PRKN: variants seen among roughly 807,000 people sequenced by gnomAD.
The protein encoded by PRKN is E3 ubiquitin-protein ligase parkin.
Under a neutral mutation model 59.5 loss-of-function variants are expected in PRKN, and 56 were observed. That is an observed-to-expected ratio of 0.94 (90% CI 0.76 to 1.18). The LOEUF is 1.18. PRKN is among the 50% of genes most tolerant of loss of function. The probability of loss-of-function intolerance (pLI) is 0.00; values close to 1 mark genes in which losing one functional copy is unlikely to be tolerated. For missense variants in PRKN, 657 were observed against 596.4 expected (o/e 1.10, Z -1.06); for synonymous variants, 250 against 222.1 (o/e 1.13, Z -1.12).
intron 2 of PRKN, among the ~76,000 whole-genome samples, chr6:162,283,702 G>T (rs570413773): frequency 2.4e-4 from 37 of 152,234 alleles, no homozygotes; most frequent in African/African-American, 8.4e-4. Flanking sequence ...TGTATTTTTA[G>T]TAGAGACAGG....
intron 2 of PRKN, among the ~76,000 whole-genome samples, chr6:162,317,314 C>T (rs568274514): frequency 7.9e-5 from 12 of 152,112 alleles, no homozygotes; most frequent in East Asian, 3.9e-4. Context: ...TCAAGAGATA[C>T]GACTGTTTTA....
At position 161,457,301 on chromosome 6, in the gene PRKN, A is replaced by G. The variant is rs1790016892; in HGVS notation, c.1084-70424T>C. 6.6e-6 allele frequency among the ~76,000 whole-genome samples: 1 copy of G among 152,236 alleles called. No homozygotes were observed. Among genetic ancestry groups the G allele is most frequent in the Non-Finnish European group, 1.5e-5 (1 of 68,046 alleles). On this transcript the variant is annotated intron_variant, in intron 9 of 11. Coordinates refer to ENST00000366898, the MANE Select transcript of PRKN (RefSeq NM_004562.3). This position sits in a 1 kb window ranked among gnomAD's most constrained non-coding sequence, Gnocchi z 5.0. ...AGCTGGGCCAATGCAGGATCCAACT[A>G]TTCAAGATTCCTCCACTTACACAAT...
At chr6:162,224,511 A>C (rs1248683703) in intron 3 of PRKN, among the ~76,000 whole-genome samples, 1 of 152,158 alleles carries the variant, frequency 6.6e-6, no homozygotes, top group African/African-American at 2.4e-5. Context: ...CCCCTCAAAA[A>C]GTGACCCAAG....
intron 1 of PRKN, among the ~76,000 whole-genome samples, chr6:162,618,868 C>A (rs1352614337): frequency 6.6e-6 from 1 of 152,138 alleles, no homozygotes; most frequent in Non-Finnish European, 1.5e-5. Context: ...GTCCGAAATG[C>A]ATTCGCAGTA....
At chr6:161,971,553 G>C (rs576913011) in intron 6 of PRKN, among the ~76,000 whole-genome samples, 4 of 152,276 alleles carry the variant, frequency 2.6e-5, no homozygotes, top group Non-Finnish European at 5.9e-5. Flanking sequence ...TGTTGAAAGC[G>C]TTAGCCATAC....
intron 9 of PRKN, among the ~76,000 whole-genome samples, chr6:161,387,424 G>T (rs1241330471): frequency 6.6e-6 from 1 of 152,126 alleles, no homozygotes; most frequent in Non-Finnish European, 1.5e-5. Context: ...ATTTCCTGAG[G>T]CCTACTCAGC....
chr6:162,082,728 C>A (rs1031888001), intron 4 of PRKN, among the ~76,000 whole-genome samples: 1 of 151,862 alleles, frequency 6.6e-6, no homozygotes, highest in Non-Finnish European at 1.5e-5. Flanking sequence ...ACTTAGAGCC[C>A]ATCATAGGAC....
intron 2 of PRKN, among the ~76,000 whole-genome samples, chr6:162,296,359 A>T (rs897096021): frequency 2.6e-5 from 4 of 151,848 alleles, no homozygotes; most frequent in African/African-American, 7.3e-5. Context: ...GCAGGAGAGG[A>T]TGGAGACAAG....
In PRKN at chr6:162,678,579, T is replaced by C. The variant is rs113575615; in HGVS notation, c.7+49083A>G. Among the ~76,000 whole-genome samples the C allele has an allele frequency of 5.1e-3, 783 of 152,342 alleles. 7 individuals are homozygous for C. The highest frequency in any genetic ancestry group is 0.017 in the African/African-American group (715 of 41,574). On this transcript the variant is annotated intron_variant, in intron 1 of 11. Coordinates refer to ENST00000366898, the MANE Select transcript of PRKN (RefSeq NM_004562.3). ...GGGGGTATCTTTGCATGTGTTTACT[T>C]GTCATCTGTATACTATCTTTGGGGA...
intron 1 of PRKN, among the ~76,000 whole-genome samples, chr6:162,585,426 C>T (rs1342429943): frequency 6.6e-6 from 1 of 152,124 alleles, no homozygotes; most frequent in Non-Finnish European, 1.5e-5. Context: ...CACCCAATTC[C>T]TATATTCTGG....
chr6:162,222,767 G>C (rs1370077177), intron 3 of PRKN, among the ~76,000 whole-genome samples: 1 of 152,062 alleles, frequency 6.6e-6, no homozygotes, highest in African/African-American at 2.4e-5. Flanking sequence ...CACTGCACTA[G>C]TAGTAATTTA....
chr6:162,693,540 TG>T (rs2128235507), intron 1 of PRKN, among the ~76,000 whole-genome samples: 1 of 152,304 alleles, frequency 6.6e-6, no homozygotes, highest in South Asian at 2.1e-4. Flanking sequence ...CCATCTCTGA[TG>T]GCCCCCTCTC....
chr6:162,045,505 C>T (rs148813967), intron 5 of PRKN, among the ~76,000 whole-genome samples: 23 of 152,304 alleles, frequency 1.5e-4, no homozygotes, highest in African/African-American at 4.8e-4. Context: ...GTCAACAGTA[C>T]GTGACATCGT....
rs2115109825 is a variant in PRKN at position 161,447,492 on chromosome 6, T to C, written c.1084-60615A>G. ...AATCTCCCATATTCCTCTGCCATCC[T>C]TTCTTTCCTTCCTTTCCTTGAGATG... On this transcript the variant is annotated intron_variant, in intron 9 of 11. Transcript: ENST00000366898. The surrounding 1 kb of genome is among the most constrained non-coding windows in gnomAD (Gnocchi z 4.1). Among the ~76,000 whole-genome samples the C allele has an allele frequency of 6.6e-6, 1 of 152,282 alleles. No individual in the cohort carries two copies. The highest frequency in any genetic ancestry group is 1.9e-4 in the East Asian group (1 of 5,178).
intron 4 of PRKN, among the ~76,000 whole-genome samples, chr6:162,116,949 A>G (rs1562523471): frequency 6.6e-6 from 1 of 152,200 alleles, no homozygotes; most frequent in Non-Finnish European, 1.5e-5. Flanking sequence ...AGGATTTTTA[A>G]CTGAATGACA....
intron 9 of PRKN, among the ~76,000 whole-genome samples, chr6:161,435,232 A>AGAT (rs1788826070): frequency 6.6e-6 from 1 of 152,176 alleles, no homozygotes; most frequent in Non-Finnish European, 1.5e-5. Context: ...TCATTTTGCA[A>AGAT]GATAATATTT....
At chr6:162,259,637 C>G (rs192196657) in intron 3 of PRKN, among the ~76,000 whole-genome samples, 1 of 152,256 alleles carries the variant, frequency 6.6e-6, no homozygotes, top group East Asian at 1.9e-4. Context: ...TAACTCAAAC[C>G]AAGAATGAAC....
chr6:161,906,659 C>CATATATATATATATATATATATATAT (rs144796790), intron 6 of PRKN, among the ~76,000 whole-genome samples: 1,694 of 115,368 alleles, frequency 0.015, 107 homozygotes, highest in Middle Eastern at 0.029. Context: ...ATAGAACATA[C>CATATATATATATATATATATATATAT]ATATATATAT....
intron 7 of PRKN, among the ~76,000 whole-genome samples, chr6:161,769,743 G>A (rs1789584958): frequency 1.3e-5 from 2 of 152,062 alleles, no homozygotes; most frequent in Non-Finnish European, 2.9e-5. Flanking sequence ...TTGGATGTGG[G>A]GATTAAGCTT....
Sources: gnomAD v4.1 joint callset for allele counts (sites outside exome capture counted in the v4.1 genomes callset) on GRCh38, gnomAD v4.1.1 for gene constraint, Gnocchi (gnomAD v3.1) non-coding constraint, MANE v1.5 for transcripts, NCBI Gene and HGNC (gene_info 2026-07-23, HGNC 2026-07-21) for gene names.